Variants in UTRN observed in about 807,000 individuals in gnomAD.
UTRN encodes the protein utrophin, also known as dystrophin-related protein 1.
Under a neutral mutation model 463.9 loss-of-function variants are expected in UTRN, and 283 were observed. The observed-to-expected ratio is 0.61, with a 90% CI of 0.55 to 0.67. UTRN has a LOEUF of 0.67. Among genes scored for constraint, UTRN ranks in the 30% least tolerant of loss-of-function variants. The pLI is 0.00. For synonymous variants in UTRN, 1,442 were observed against 1,431.5 expected (o/e 1.01, Z -0.17); for missense variants, 3,922 against 4,084.3 (o/e 0.96, Z 1.08).
intron 3 of UTRN, among the ~76,000 whole-genome samples, chr6:144,416,992 C>T (rs1784413392): frequency 6.6e-6 from 1 of 152,158 alleles, no homozygotes; most frequent in Non-Finnish European, 1.5e-5. Flanking sequence ...GGTTAACTGT[C>T]AGGATGAATC....
Position 144,522,048 on chromosome 6 carries a change from A to G in UTRN, c.5610A>G (p.Thr1870=), listed in dbSNP as rs1796152683. ...GAATTAGATCATCACTTCTTCCTAC[A>G]GATTATCTGGTTGAAATTAACAAAA... ...ASGIRSSLLP[T]DYLVEINKIL... Residue 1870 remains threonine, a synonymous_variant, in exon 40 of 75, where the codon ACA becomes ACG. Transcript: ENST00000367545. 1.9e-6 allele frequency: 3 copies of G among 1,595,144 alleles called. No homozygotes were observed. Among genetic ancestry groups the G allele is most frequent in the East Asian group, 4.7e-5 (2 of 42,866 alleles).
intron 52 of UTRN, among the ~76,000 whole-genome samples, chr6:144,690,822 G>A (rs1451758713): frequency 2.0e-5 from 3 of 152,162 alleles, no homozygotes; most frequent in Non-Finnish European, 4.4e-5. Flanking sequence ...CCCGGTGGGT[G>A]TGTATGTGCT....
At chr6:144,735,571 T>A (rs1789292284) in intron 54 of UTRN, among the ~76,000 whole-genome samples, 1 of 152,080 alleles carries the variant, frequency 6.6e-6, no homozygotes, top group Non-Finnish European at 1.5e-5. Context: ...GCTAGTACAG[T>A]TTTGTTTTTT....
At chr6:144,406,151 G>T (rs1285210975) in intron 3 of UTRN, among the ~76,000 whole-genome samples, 1 of 152,030 alleles carries the variant, frequency 6.6e-6, no homozygotes, top group Admixed American at 6.6e-5. Context: ...CCCCTGAACT[G>T]GTTGTAACAG....
At chr6:144,664,853 C>A (rs906406317) in intron 51 of UTRN, among the ~76,000 whole-genome samples, 1 of 151,232 alleles carries the variant, frequency 6.6e-6, no homozygotes, top group Non-Finnish European at 1.5e-5. Flanking sequence ...ATGTTATTTG[C>A]CTATTCTATT....
chr6:144,313,409 CAT>C (rs1775071282), intron 2 of UTRN, among the ~76,000 whole-genome samples: 1 of 151,454 alleles, frequency 6.6e-6, no homozygotes, highest in Admixed American at 6.6e-5. Context: ...AATAAATATA[CAT>C]ATGCTTTGAT....
intron 62 of UTRN, among the ~76,000 whole-genome samples, chr6:144,791,381 T>G (rs570711641): frequency 3.9e-5 from 6 of 152,276 alleles, no homozygotes; most frequent in African/African-American, 1.4e-4. Context: ...GCCTTTATGC[T>G]TATAGCTGGC....
At chr6:144,605,159 A>G (rs1219286903) in intron 51 of UTRN, among the ~76,000 whole-genome samples, 1 of 152,154 alleles carries the variant, frequency 6.6e-6, no homozygotes, top group African/African-American at 2.4e-5. Context: ...ATCTTAGGCT[A>G]ATGGTATCAC....
chr6:144,504,633 T>G (rs1794540655), intron 34 of UTRN, among the ~76,000 whole-genome samples: 2 of 152,254 alleles, frequency 1.3e-5, no homozygotes, highest in Non-Finnish European at 1.5e-5. Context: ...GGATACACTT[T>G]TTGATATGCT....
intron 61 of UTRN, 115 bp downstream of exon 61, chr6:144,782,238 G>T: frequency 3.5e-6 from 3 of 868,664 alleles, no homozygotes; most frequent in East Asian, 5.6e-5. Context: ...CTTTCCCAGT[G>T]GAAATATTTA....
At chr6:144,631,846 A>G (rs984159948) in intron 51 of UTRN, among the ~76,000 whole-genome samples, 10 of 152,196 alleles carry the variant, frequency 6.6e-5, no homozygotes, top group South Asian at 6.2e-4. Context: ...AATGCTCTGG[A>G]AAGAAAGAAA....
At chr6:144,501,455 T>C (rs1794171780) in intron 34 of UTRN, among the ~76,000 whole-genome samples, 1 of 152,208 alleles carries the variant, frequency 6.6e-6, no homozygotes, top group Non-Finnish European at 1.5e-5. Context: ...TTTTTTCATT[T>C]TTTTGAGCAC....
intron 51 of UTRN, among the ~76,000 whole-genome samples, chr6:144,591,645 G>A (rs1803083776): frequency 6.6e-6 from 1 of 152,076 alleles, no homozygotes; most frequent in Admixed American, 6.6e-5. Context: ...AGTAGAGGAT[G>A]GAAAGAAATA....
intron 65 of UTRN, among the ~76,000 whole-genome samples, chr6:144,805,812 C>T (rs1778100628): frequency 6.6e-6 from 1 of 152,042 alleles, no homozygotes; most frequent in Admixed American, 6.6e-5. Context: ...TTGAAGCTCA[C>T]CCTGAGGCTG....
At chr6:144,365,410 A>G (rs1472099201) in intron 2 of UTRN, among the ~76,000 whole-genome samples, 1 of 152,222 alleles carries the variant, frequency 6.6e-6, no homozygotes, top group Admixed American at 6.5e-5. Context: ...GGAGTAGATC[A>G]TGAGGAGGAG....
Position 144,382,263 on chromosome 6 carries a change from G to A in UTRN, c.80-20860G>A, listed in dbSNP as rs1276604881. 2.0e-5 allele frequency among the ~76,000 whole-genome samples: 3 copies of A among 152,234 alleles called. No individual in the cohort carries two copies. The East Asian group carries it at 5.8e-4, about 29-fold the overall frequency. On this transcript the variant is annotated intron_variant, in intron 2 of 74. Transcript: ENST00000367545. ...AAGGCAGTTGTGCAGGCACAGGGTA[G>A]ATTCCTATATGTGGCTTAGGTAAGC...
chr6:144,481,879 G>A (rs1033370375), intron 26 of UTRN, among the ~76,000 whole-genome samples: 2 of 152,220 alleles, frequency 1.3e-5, no homozygotes, highest in African/African-American at 2.4e-5. Context: ...CCAACATGGC[G>A]AAGCCTCATC....
chr6:144,662,178 C>A (rs1289439908), intron 51 of UTRN, among the ~76,000 whole-genome samples: 1 of 152,076 alleles, frequency 6.6e-6, no homozygotes, highest in Non-Finnish European at 1.5e-5. Flanking sequence ...AGGAAGTTGT[C>A]GTACATGAAT....
At chr6:144,569,437 C>A (rs1176969760) in intron 50 of UTRN, among the ~76,000 whole-genome samples, 1 of 151,796 alleles carries the variant, frequency 6.6e-6, no homozygotes, top group Non-Finnish European at 1.5e-5. Context: ...ATGCAATAAG[C>A]AAAATTAATT....
Sources: allele counts gnomAD v4.1 joint callset (sites outside exome capture counted in the v4.1 genomes callset), GRCh38; gene constraint gnomAD v4.1.1; transcripts MANE v1.5; gene names NCBI Gene and HGNC (gene_info 2026-07-23, HGNC 2026-07-21).